The following RAD50 variants were observed in gnomAD, a reference collection of about 807,000 sequenced individuals.
The protein encoded by RAD50 is RAD50 double strand break repair protein.
A neutral mutation model predicts 168.8 loss-of-function variants in RAD50; 132 were observed. The observed-to-expected ratio is 0.78, with a 90% confidence interval of 0.68 to 0.90. RAD50 has a LOEUF of 0.90. Among genes scored for constraint, RAD50 ranks in the 40% least tolerant of loss-of-function variants. The pLI, the probability that RAD50 is intolerant of heterozygous loss-of-function variation, is 0.00. For missense variants in RAD50, 1,347 were observed against 1,534.4 expected (o/e 0.88, Z 2.04); for synonymous variants, 525 against 497.4 (o/e 1.06, Z -0.74).
chr5:132,557,203 C>G lies in RAD50; in HGVS notation c.-122C>G. 1 of 1,400,770 alleles carries G rather than the reference C, an allele frequency of 7.1e-7. No individual in the cohort carries two copies. Among genetic ancestry groups the G allele is most frequent in the Non-Finnish European group, 1.0e-6 (1 of 992,770 alleles). 86.8% of individuals were successfully genotyped at this position (1,400,770 alleles called of 1,614,324 possible). A position where few individuals can be genotyped will look rare whatever the true frequency, so the allele number is the denominator to read the frequency against. ...TTTTGGCAGTCCTGTGGCCTCGCTC[C>G]CCGCCCGGATCCTCCTGACCCTGAG... On this transcript the variant is annotated 5_prime_UTR_variant, in exon 1 of 25. Coordinates refer to ENST00000378823, the MANE Select transcript of RAD50 (RefSeq NM_005732.4).
intron 15 of RAD50, 127 bp from the exon 16 acceptor site, chr5:132,604,679 T>C: frequency 1.3e-6 from 1 of 769,360 alleles, no homozygotes; most frequent in Non-Finnish European, 2.2e-6. Flanking sequence ...GTATTTTTGT[T>C]GCAGTGGGTG....
rs776215340 is a variant in RAD50, at chr5:132,643,088, G to A, written c.*724G>A. 2.3e-5 allele frequency: 12 copies of A among 529,550 alleles called. No homozygotes were observed. Among genetic ancestry groups the A allele is most frequent in the South Asian group, 1.8e-4 (12 of 64,994 alleles). 32.8% of individuals were successfully genotyped at this position (529,550 alleles called of 1,614,324 possible). On this transcript the variant is annotated 3_prime_UTR_variant, in exon 25 of 25. Transcript: ENST00000378823. ...CACCTTTGGAAAGCTCTGACCACTT[G>A]AGGCCTGATCTGCCCATCGTGAAGA...
At chr5:132,632,317 G>A (rs1437095064) in intron 21 of RAD50, among the ~76,000 whole-genome samples, 2 of 152,226 alleles carry the variant, frequency 1.3e-5, no homozygotes, top group South Asian at 2.1e-4. Flanking sequence ...CTTCAAGGTA[G>A]ACTTAGGCTC....
intron 12 of RAD50, 111 bp downstream of exon 12, chr5:132,595,155 T>C: frequency 1.7e-6 from 2 of 1,196,832 alleles, no homozygotes; most frequent in Non-Finnish European, 1.2e-6. Flanking sequence ...GCCTAATGGC[T>C]TGGATTTCAG....
rs1750643514 is a variant in RAD50, at chr5:132,588,777, A to G, written c.1142A>G (p.Asp381Gly). 6.2e-7 allele frequency: 1 copy of G among 1,613,966 alleles called. No individual in the cohort carries two copies. The part of the protein sequence containing the change: ...IQSLATQLEL[D>G]GFERGPFSER... ...TCTTTGGCAACACAGCTAGAATTGG[A>G]TGGCTTTGAGCGTGGACCATTCAGT... The change falls in exon 8 of 25, where the codon GAT becomes GGT. Residue 381 changes from aspartate (D) to glycine (G), a missense_variant. Transcript: ENST00000378823.
chr5:132,569,221 A>C (rs1750259645), intron 2 of RAD50, among the ~76,000 whole-genome samples: 1 of 152,172 alleles, frequency 6.6e-6, no homozygotes, highest in African/African-American at 2.4e-5. Flanking sequence ...AGGAAAACAT[A>C]AGCATAATGA....
chr5:132,643,147 A>G lies in RAD50; in HGVS notation c.*783A>G. Reference sequence around the variant, plus strand: ...ACACTCCTCTGCGTCTATCCTGTGTAGCATACTGGCTTCACCATCAATCCT... The same window carrying G: ...ACACTCCTCTGCGTCTATCCTGTGTGGCATACTGGCTTCACCATCAATCCT... On this transcript the variant is annotated 3_prime_UTR_variant, in exon 25 of 25. Coordinates refer to ENST00000378823, the MANE Select transcript of RAD50 (RefSeq NM_005732.4). The G allele has an allele frequency of 4.1e-6, 2 of 488,516 alleles. No individual in the cohort carries two copies. The highest frequency in any genetic ancestry group is 8.5e-6 in the Non-Finnish European group (2 of 234,536). The allele number at this position is 488,516 out of a possible 1,614,324, so 30.3% of individuals were successfully genotyped here.
At chr5:132,629,389 C>T (rs984134662) in intron 21 of RAD50, among the ~76,000 whole-genome samples, 3 of 152,084 alleles carry the variant, frequency 2.0e-5, no homozygotes, top group Admixed American at 6.5e-5. Context: ...GTGCCTCAGT[C>T]ACAGAGGCAT....
At position 132,592,010 on chromosome 5, in the gene RAD50, C is replaced by T. The variant is rs786203895; in HGVS notation, c.1769C>T (p.Thr590Ile). 2 of 1,612,884 alleles carry T rather than the reference C, an allele frequency of 1.2e-6. No individual in the cohort carries two copies. The highest frequency in any genetic ancestry group is 1.7e-6 in the Non-Finnish European group (2 of 1,179,260). The change falls in exon 11 of 25, where the codon ACC becomes ATC. Residue 590 changes from threonine (T) to isoleucine (I), a missense_variant. By Grantham distance (89) the Thr-to-Ile change is moderately conservative. Transcript: ENST00000378823. ...AGTAAATCAAAAGAAATTAATCAGA[C>T]CAGGGACAGACTTGCCAAATTGAAG... ...LHSKSKEINQTRDRLAKLNKE... is the reference protein window; with the variant it reads ...LHSKSKEINQIRDRLAKLNKE...
chr5:132,606,268 C>T (rs967206499), intron 16 of RAD50, among the ~76,000 whole-genome samples: 3 of 151,944 alleles, frequency 2.0e-5, no homozygotes, highest in Non-Finnish European at 4.4e-5. Flanking sequence ...CAAATAGATG[C>T]AATAAAAAAT....
intron 4 of RAD50, 43 bp downstream of exon 4, chr5:132,579,545 G>A (rs1165019663): frequency 6.4e-7 from 1 of 1,571,696 alleles, no homozygotes; most frequent in Admixed American, 1.7e-5. Context: ...TTAAGTTATT[G>A]AACTGTGTTT....
chr5:132,558,289 G>C (rs1371180700), intron 1 of RAD50, among the ~76,000 whole-genome samples: 3 of 152,240 alleles, frequency 2.0e-5, no homozygotes, highest in Non-Finnish European at 4.4e-5. Flanking sequence ...GAGTAGTACT[G>C]TATAGTGTTT....
At position 132,616,030 on chromosome 5, in the gene RAD50, C is replaced by G; in HGVS notation, c.3064C>G (p.Leu1022Val). 6.3e-7 allele frequency: 1 copy of G among 1,596,548 alleles called. No individual in the cohort carries two copies. Among genetic ancestry groups the G allele is most frequent in the Non-Finnish European group, 8.6e-7 (1 of 1,164,520 alleles). The change falls in exon 20 of 25, where the codon CTT becomes GTT. Residue 1022 changes from leucine (L) to valine (V), a missense_variant. By Grantham distance (32) the Leu-to-Val change is conservative (BLOSUM62 1). Around this residue, in one of 3 missense-constraint regions of RAD50, gnomAD observed 635 missense variants for 739.2 expected, o/e 0.86. Transcript: ENST00000378823. The part of the protein sequence containing the change: ...KIQERWLQDN[L>V]TLRKRNEELK... Reference sequence around the variant, plus strand: ...ACAAGAAAGGTGGCTACAAGATAACCTTACTTTAAGAAAAAGAAATGAGGA... The same window carrying G: ...ACAAGAAAGGTGGCTACAAGATAACGTTACTTTAAGAAAAAGAAATGAGGA...
intron 2 of RAD50, among the ~76,000 whole-genome samples, chr5:132,575,331 T>C (rs1474479742): frequency 1.3e-5 from 2 of 152,174 alleles, no homozygotes; most frequent in African/African-American, 4.8e-5. Context: ...TGAGACTTAC[T>C]CACTGTCACA....
Position 132,595,801 on chromosome 5 carries a change from T to C in RAD50, c.2198T>C (p.Val733Ala), listed in dbSNP as rs1554098721. The stretch of plus-strand genomic sequence containing the variant: ...CGGCGTGATGAAATGCTGGGACTTG[T>C]GCCCATGAGGTAAGAATGGGATTTA... ...EKRRDEMLGL[V>A]PMRQSIIDLK... Residue 733 changes from valine (V) to alanine (A), a missense_variant, in exon 13 of 25, where the codon GTG (valine) becomes GCG (alanine). By Grantham distance (64) the Val-to-Ala change is moderately conservative. Coordinates refer to ENST00000378823, the MANE Select transcript of RAD50 (RefSeq NM_005732.4). 6.2e-7 allele frequency: 1 copy of C among 1,604,096 alleles called. No homozygotes were observed. Among genetic ancestry groups the C allele is most frequent in the Non-Finnish European group, 8.5e-7 (1 of 1,173,976 alleles).
chr5:132,569,422 T>G (rs1750262941), intron 2 of RAD50, among the ~76,000 whole-genome samples: 1 of 152,160 alleles, frequency 6.6e-6, no homozygotes, highest in African/African-American at 2.4e-5. Context: ...CATTTTATGA[T>G]GAGAAGAGGT....
rs876660015 is a variant in RAD50 at position 132,557,357 on chromosome 5, C to T, written c.33C>T (p.Gly11=). The T allele has an allele frequency of 7.4e-6, 12 of 1,613,892 alleles. No homozygotes were observed. The South Asian group carries it at 9.9e-5, about 13-fold the overall frequency. Residue 11 remains glycine, a synonymous_variant, in exon 1 of 25, where the codon GGC becomes GGT. Coordinates refer to ENST00000378823, the MANE Select transcript of RAD50 (RefSeq NM_005732.4). ...GGATCGAAAAGATGAGCATTCTGGG[C>T]GTGCGGAGTTTTGGAATAGAGGACA... The part of the protein sequence containing the change: MSRIEKMSIL[G]VRSFGIEDKD...
At chr5:132,616,203 G>A in intron 20 of RAD50, 73 bp downstream of exon 20, 1 of 1,480,336 alleles carries the variant, frequency 6.8e-7, no homozygotes, top group South Asian at 1.2e-5. Flanking sequence ...TTAAATACCT[G>A]TTTTAAAAGA....
At chr5:132,616,483 T>C (rs1751180370) in intron 20 of RAD50, among the ~76,000 whole-genome samples, 1 of 152,338 alleles carries the variant, frequency 6.6e-6, no homozygotes. Context: ...GTCTATAATA[T>C]TGTCAATGGA....
Sources: allele counts gnomAD v4.1 joint callset (sites outside exome capture counted in the v4.1 genomes callset), GRCh38; gene constraint gnomAD v4.1.1; regional missense constraint gnomAD v4.1.1; transcripts MANE v1.5; gene names NCBI Gene and HGNC (gene_info 2026-07-23, HGNC 2026-07-21).